Variants in DNAI7 observed in about 807,000 individuals in gnomAD.
DNAI7 encodes the protein dynein axonemal intermediate chain 7.
DNAI7 carries 78 observed loss-of-function variants against 86.6 expected under a neutral mutation model. The observed-to-expected ratio is 0.90, with a 90% CI of 0.75 to 1.09. The LOEUF is 1.09. Among genes scored for constraint, DNAI7 ranks in the 50% least tolerant of loss-of-function variants. The pLI is 0.00. For synonymous variants in DNAI7, 274 were observed against 273.0 expected, an observed-to-expected ratio of 1.00 and a Z score of -0.04; for missense variants, 753 against 810.2, an observed-to-expected ratio of 0.93 and a Z score of 0.86.
chr12:25,186,058 T>C (rs949790191), intron 2 of DNAI7, among the ~76,000 whole-genome samples: 4 of 152,234 alleles, frequency 2.6e-5, no homozygotes, highest in Admixed American at 2.6e-4. Context: ...GAATCATCTA[T>C]ATATTCATCA....
chr12:25,155,320 C>A lies in DNAI7; in HGVS notation c.291G>T (p.Leu97Phe), dbSNP rs1296666170. The stretch of plus-strand genomic sequence containing the variant: ...GAGAAATCAGTCCTACCTGAGAAAG[C>A]AATTTAGTTTCCTGTTTCAATTTCT... ...EAEKLKQETK[L>F]LSQWKHYIQC... The change falls in exon 5 of 16, where the codon TTG (leucine) becomes TTT (phenylalanine). Residue 97 changes from leucine to phenylalanine, a missense_variant. Leu to Phe is a conservative substitution (Grantham distance 22, BLOSUM62 0). Transcript: ENST00000395987. 1.3e-6 allele frequency: 2 copies of A among 1,584,472 alleles called. No homozygotes were observed. Among genetic ancestry groups the A allele is most frequent in the Non-Finnish European group, 8.6e-7 (1 of 1,156,266 alleles).
intron 11 of DNAI7, among the ~76,000 whole-genome samples, chr12:25,120,489 G>A (rs1035912121): frequency 6.6e-6 from 1 of 151,942 alleles, no homozygotes; most frequent in Non-Finnish European, 1.5e-5. Context: ...TTGGGAGGCC[G>A]AGGCGGGCGG....
chr12:25,165,028 T>C (rs999418938), intron 2 of DNAI7, among the ~76,000 whole-genome samples: 8 of 152,146 alleles, frequency 5.3e-5, no homozygotes, highest in African/African-American at 1.9e-4. Context: ...TCAGATAGTG[T>C]TTAGGCTTTT....
At chr12:25,117,182 C>A (rs1328532889) in intron 12 of DNAI7, among the ~76,000 whole-genome samples, 2 of 152,200 alleles carry the variant, frequency 1.3e-5, no homozygotes, top group African/African-American at 4.8e-5. Flanking sequence ...AATCCACCCA[C>A]CTCAGCCTCC....
Position 25,149,778 on chromosome 12 carries a change from T to G in DNAI7, c.439-4A>C. 2 of 1,465,870 alleles carry G rather than the reference T, an allele frequency of 1.4e-6. No individual in the cohort carries two copies. The highest frequency in any genetic ancestry group is 1.9e-6 in the Non-Finnish European group (2 of 1,054,660). The allele number at this position is 1,465,870 out of a possible 1,614,324, so 90.8% of individuals were successfully genotyped here. On this transcript the variant is annotated splice_region_variant and splice_polypyrimidine_tract_variant and intron_variant, in intron 6 of 15. Transcript: ENST00000395987. ...TAAATTTCAATTTCTCAATTAACTG[T>G]AAAGTAAAAGAATATTTGCATTAAT...
intron 15 of DNAI7, among the ~76,000 whole-genome samples, 161 bp downstream of exon 15, chr12:25,109,966 C>A (rs1370458911): frequency 2.0e-5 from 3 of 152,192 alleles, no homozygotes; most frequent in South Asian, 2.1e-4. Flanking sequence ...GAATGAGCCA[C>A]CGTGCTTGGC....
chr12:25,112,399 G>GTTTTT (rs10602859), intron 13 of DNAI7, among the ~76,000 whole-genome samples: 40 of 104,276 alleles, frequency 3.8e-4, no homozygotes, highest in African/African-American at 7.4e-4. Context: ...TTCACATCTG[G>GTTTTT]TTTTTTTTTT....
chr12:25,184,522 T>C (rs974320827), intron 2 of DNAI7, among the ~76,000 whole-genome samples: 16 of 152,220 alleles, frequency 1.1e-4, no homozygotes, highest in Non-Finnish European at 2.4e-4. Context: ...ATTAATCAAC[T>C]GATGAACATC....
At chr12:25,149,510 A>T in intron 7 of DNAI7, 118 bp downstream of exon 7, 1 of 700,254 alleles carries the variant, frequency 1.4e-6, no homozygotes, top group South Asian at 1.9e-5. Flanking sequence ...ACTCTAAATT[A>T]TTCTGCTAAC....
At chr12:25,114,454 T>C (rs1939655472) in intron 13 of DNAI7, among the ~76,000 whole-genome samples, 1 of 152,232 alleles carries the variant, frequency 6.6e-6, no homozygotes, top group Non-Finnish European at 1.5e-5. Context: ...AGCCTTGCTA[T>C]TTACATGTTA....
intron 8 of DNAI7, among the ~76,000 whole-genome samples, chr12:25,146,355 G>A (rs368934677): frequency 9.9e-5 from 15 of 152,028 alleles, no homozygotes; most frequent in African/African-American, 3.4e-4. Flanking sequence ...CCAGCACTTT[G>A]GAAGGCCGAG....
chr12:25,107,694 T>C (rs896188590), downstream of DNAI7: 6 of 830,490 alleles, frequency 7.2e-6, no homozygotes, highest in Admixed American at 9.4e-5. Context: ...AATCATAATA[T>C]GTAGATTAAA....
At chr12:25,161,342 T>G in intron 2 of DNAI7, 145 bp from the exon 3 acceptor site, 1 of 676,860 alleles carries the variant, frequency 1.5e-6, no homozygotes, top group Non-Finnish European at 2.6e-6. Context: ...AGACTGCCTC[T>G]TAGTGTAAAG....
chr12:25,114,074 T>C (rs1592186592), intron 13 of DNAI7, among the ~76,000 whole-genome samples: 2 of 151,444 alleles, frequency 1.3e-5, no homozygotes, highest in Middle Eastern at 6.8e-3. Flanking sequence ...GCCTCCTGAG[T>C]AGCTGGGATT....
intron 2 of DNAI7, among the ~76,000 whole-genome samples, chr12:25,165,317 C>G (rs1033119280): frequency 6.6e-6 from 1 of 152,214 alleles, no homozygotes; most frequent in Non-Finnish European, 1.5e-5. Context: ...CTTGCCTCCA[C>G]TGTGAGACAA....
intron 9 of DNAI7, among the ~76,000 whole-genome samples, chr12:25,130,467 G>T (rs2140592777): frequency 1.3e-5 from 2 of 152,166 alleles, no homozygotes; most frequent in Admixed American, 1.3e-4. Context: ...AACCTGGGAG[G>T]CAGAGCTTGC....
At chr12:25,163,718 T>C (rs1947107485) in intron 2 of DNAI7, among the ~76,000 whole-genome samples, 1 of 152,172 alleles carries the variant, frequency 6.6e-6, no homozygotes, top group African/African-American at 2.4e-5. Flanking sequence ...ACCTACGACC[T>C]CTGGTCCTCA....
intron 9 of DNAI7, among the ~76,000 whole-genome samples, chr12:25,139,221 A>G (rs1943908894): frequency 6.6e-6 from 1 of 152,036 alleles, no homozygotes; most frequent in African/African-American, 2.4e-5. Flanking sequence ...ATTAAAAAAA[A>G]ATTACCAATA....
chr12:25,134,988 C>A (rs1943373868), intron 9 of DNAI7, among the ~76,000 whole-genome samples: 1 of 152,108 alleles, frequency 6.6e-6, no homozygotes, highest in Non-Finnish European at 1.5e-5. Context: ...ACTTGAAGCT[C>A]CCACTTGGAC....
Sources: allele counts gnomAD v4.1 joint callset (sites outside exome capture counted in the v4.1 genomes callset), GRCh38; gene constraint gnomAD v4.1.1; transcripts MANE v1.5; gene names NCBI Gene and HGNC (gene_info 2026-07-23, HGNC 2026-07-21).